The following NOD2 variants were observed in gnomAD, a reference collection of about 807,000 sequenced individuals.
NOD2 encodes the protein nucleotide binding oligomerization domain containing 2.
A neutral mutation model predicts 90.9 loss-of-function variants in NOD2; 86 were observed. The observed-to-expected ratio is 0.95, with a 90% CI of 0.79 to 1.13. NOD2 has a LOEUF of 1.13. Among genes scored for constraint, NOD2 ranks in the 50% most tolerant of loss-of-function variants. The probability of loss-of-function intolerance (pLI) is 0.00; values close to 1 mark genes in which losing one functional copy is unlikely to be tolerated. For missense variants in NOD2, 1,238 were observed against 1,283.8 expected, an observed-to-expected ratio of 0.96 and a Z score of 0.55; for synonymous variants, 581 against 554.6, an observed-to-expected ratio of 1.05 and a Z score of -0.67.
At position 50,697,047 on chromosome 16, in the gene NOD2, G is replaced by A. The variant is rs573684113; in HGVS notation, c.-8-2441G>A. 176 of 630,028 alleles carry A rather than the reference G, an allele frequency of 2.8e-4. 1 individual carries two copies. Among genetic ancestry groups the A allele is most frequent in the African/African-American group, 2.7e-3 (150 of 55,078 alleles). 39.0% of individuals were successfully genotyped at this position (630,028 alleles called of 1,614,324 possible). A position where few individuals can be genotyped will look rare whatever the true frequency, so the allele number is the denominator to read the frequency against. On this transcript the variant is annotated intron_variant, in intron 1 of 11. Coordinates refer to ENST00000647318, the MANE Select transcript of NOD2 (RefSeq NM_001370466.1). ...CCAGGATGCACAAGGCTTTGTGCCA[G>A]AATTGCTTGGAATTGCCTAGTTCTG...
intron 9 of NOD2, 75 bp from the exon 10 acceptor site, chr16:50,725,414 A>G (rs1965229097): frequency 1.8e-6 from 2 of 1,128,178 alleles, no homozygotes; most frequent in Non-Finnish European, 2.7e-6. Context: ...GATTTCCTAT[A>G]TGGGGGGCAT....
Position 50,710,614 on chromosome 16 carries a change from C to T in NOD2, c.622C>T (p.Arg208Cys), listed in dbSNP as rs104895422. ...GAGGACCACGGTGTCTGCTCAGTCT[C>T]GCTTCCTCAGTACCTATGATGGAGC... ...KLRTTVSAQS[R>C]FLSTYDGAET... Residue 208 changes from arginine to cysteine, a missense_variant, in exon 4 of 12, where the codon CGC (arginine) becomes TGC (cysteine). Physicochemically the swap from Arg to Cys is radical, Grantham distance 180 (BLOSUM62 -3). This residue lies in a region of NOD2 where 567 missense variants were observed against 577.3 expected (regional missense o/e 0.98). Transcript: ENST00000647318. The T allele has an allele frequency of 1.2e-4, 194 of 1,614,202 alleles. No homozygotes were observed. Among genetic ancestry groups the T allele is most frequent in the Middle Eastern group, 4.9e-4 (3 of 6,062 alleles).
At chr16:50,716,869 C>G in intron 5 of NOD2, 22 bp from the exon 6 acceptor site, 1 of 1,611,484 alleles carries the variant, frequency 6.2e-7, no homozygotes, top group Non-Finnish European at 8.5e-7. Context: ...TTCTGTGTCT[C>G]CTCTCTTCTG....
At chr16:50,704,883 A>G (rs546242777) in intron 2 of NOD2, among the ~76,000 whole-genome samples, 1 of 152,370 alleles carries the variant, frequency 6.6e-6, no homozygotes, top group East Asian at 1.9e-4. Context: ...CAGAATTTTA[A>G]AATTTCAATT....
At chr16:50,713,905 G>A (rs2150818320) in intron 4 of NOD2, among the ~76,000 whole-genome samples, 1 of 152,312 alleles carries the variant, frequency 6.6e-6, no homozygotes, top group East Asian at 1.9e-4. Flanking sequence ...CCAGGCATCA[G>A]CCTCCCAGGA....
chr16:50,694,982 G>C (rs753622591), intron 1 of NOD2, among the ~76,000 whole-genome samples: 13 of 152,156 alleles, frequency 8.5e-5, no homozygotes, highest in Non-Finnish European at 1.9e-4. Context: ...CCAAGACCAC[G>C]ATAGCTGGGC....
intron 2 of NOD2, among the ~76,000 whole-genome samples, chr16:50,703,694 A>G (rs1026680485): frequency 2.6e-5 from 4 of 151,922 alleles, no homozygotes; most frequent in Non-Finnish European, 5.9e-5. Context: ...AAAAAAAAAA[A>G]AAAAAAAAAG....
chr16:50,720,581 C>G (rs976037265), intron 7 of NOD2, among the ~76,000 whole-genome samples: 1 of 152,176 alleles, frequency 6.6e-6, no homozygotes, highest in East Asian at 1.9e-4. Context: ...CAACCTGCAG[C>G]CCCAGGGTGG....
rs754726436 is a variant in NOD2, at chr16:50,712,025, C to T, written c.2033C>T (p.Ala678Val). The change falls in exon 4 of 12, where the codon GCC becomes GTC. Residue 678 changes from alanine to valine, a missense_variant. This residue lies in a region of NOD2 where 667 missense variants were observed against 688.7 expected (regional missense o/e 0.97). Transcript: ENST00000647318. Reference protein sequence around the residue: ...TSEKALLRRQACARWCLARSL... With the variant: ...TSEKALLRRQVCARWCLARSL... ...GAGAAGGCCCTGCTCCGGCGCCAGG[C>T]CTGTGCCCGCTGGTGTCTGGCCCGC... 6.2e-7 allele frequency: 1 copy of T among 1,613,162 alleles called. No individual in the cohort carries two copies. Among genetic ancestry groups the T allele is most frequent in the Non-Finnish European group, 8.5e-7 (1 of 1,179,882 alleles).
intron 9 of NOD2, among the ~76,000 whole-genome samples, chr16:50,723,689 T>A (rs766551475): frequency 1.3e-5 from 2 of 152,220 alleles, no homozygotes; most frequent in African/African-American, 2.4e-5. Context: ...TTAGGCAAGT[T>A]AAATAACAAT....
At chr16:50,704,843 T>G (rs1384974502) in intron 2 of NOD2, among the ~76,000 whole-genome samples, 2 of 152,248 alleles carry the variant, frequency 1.3e-5, no homozygotes, top group Non-Finnish European at 2.9e-5. Context: ...AAACTCTTTC[T>G]GGAAGCTTTT....
chr16:50,731,779 T>C lies in NOD2; in HGVS notation c.3002T>C (p.Val1001Ala), dbSNP rs752941888. The change falls in exon 12 of 12, where the codon GTT becomes GCT. Residue 1001 changes from valine (V) to alanine (A), a missense_variant. Physicochemically the swap from Val to Ala is moderately conservative, Grantham distance 64. Around this residue, in one of 3 missense-constraint regions of NOD2, gnomAD observed 667 missense variants for 688.7 expected, o/e 0.97. Coordinates refer to ENST00000647318, the MANE Select transcript of NOD2 (RefSeq NM_001370466.1). ...GGGAACACTTTCTCTCTAGAGGAGG[T>C]TGACAAGCTCGGCTGCAGGGACACC... The part of the protein sequence containing the change: ...LRGNTFSLEE[V>A]DKLGCRDTRL... 3 of 1,613,870 alleles carry C rather than the reference T, an allele frequency of 1.9e-6. No individual in the cohort carries two copies. The highest frequency in any genetic ancestry group is 1.1e-5 in the South Asian group (1 of 91,078).
chr16:50,712,576 G>A, intron 4 of NOD2: 2 of 658,784 alleles, frequency 3.0e-6, no homozygotes, highest in South Asian at 3.7e-5. Flanking sequence ...TGGCCTATGT[G>A]CTGGGTCTGG....
In NOD2 at chr16:50,711,665, T is replaced by A. The variant is rs1331144569; in HGVS notation, c.1673T>A (p.Leu558Gln). Reference sequence around the variant, plus strand: ...CCTGATGACATTTCTCTTGGCTTCCTGGTGCGTGCCAAAGGTGTCGTGCCA... The same window carrying A: ...CCTGATGACATTTCTCTTGGCTTCCAGGTGCGTGCCAAAGGTGTCGTGCCA... ...VSPDDISLGFLVRAKGVVPGS... is the reference protein window; with the variant it reads ...VSPDDISLGFQVRAKGVVPGS... The change falls in exon 4 of 12, where the codon CTG becomes CAG. Residue 558 changes from leucine (L) to glutamine (Q), a missense_variant. This residue lies in a region of NOD2 where 667 missense variants were observed against 688.7 expected (regional missense o/e 0.97). Coordinates refer to ENST00000647318, the MANE Select transcript of NOD2 (RefSeq NM_001370466.1). The A allele has an allele frequency of 1.9e-6, 3 of 1,613,394 alleles. No individual in the cohort carries two copies. Among genetic ancestry groups the A allele is most frequent in the Non-Finnish European group, 2.5e-6 (3 of 1,179,974 alleles).
chr16:50,712,734 T>C (rs528521906), intron 4 of NOD2: 1 of 337,934 alleles, frequency 3.0e-6, no homozygotes, highest in East Asian at 7.1e-5. Flanking sequence ...GTTCACAAAT[T>C]GCATCATTCT....
In NOD2 at chr16:50,711,353, G is replaced by A. The variant is rs104895494; in HGVS notation, c.1361G>A (p.Gly454Asp). The change falls in exon 4 of 12, where the codon GGT becomes GAT. Residue 454 changes from glycine (G) to aspartate (D), a missense_variant. Gly to Asp is a moderately conservative substitution (Grantham distance 94). Coordinates refer to ENST00000647318, the MANE Select transcript of NOD2 (RefSeq NM_001370466.1). ...CTCCAAGAGACCTCAGCCCTGCACGGTTTGTGCCACCTGCCTGTCTTCTCA... is the reference window on the plus strand; with the variant it reads ...CTCCAAGAGACCTCAGCCCTGCACGATTTGTGCCACCTGCCTGTCTTCTCA... ...RLLQETSALHGLCHLPVFSWM... is the reference protein window; with the variant it reads ...RLLQETSALHDLCHLPVFSWM... The A allele has an allele frequency of 6.2e-7, 1 of 1,613,620 alleles. No individual in the cohort carries two copies. The highest frequency in any genetic ancestry group is 8.5e-7 in the Non-Finnish European group (1 of 1,180,034).
chr16:50,722,744 A>G (rs1382721619), intron 8 of NOD2, 39 bp downstream of exon 8: 1 of 1,592,840 alleles, frequency 6.3e-7, no homozygotes, highest in African/African-American at 1.3e-5. Flanking sequence ...TCTTGGGGAG[A>G]TCAGGTGAAG....
Position 50,723,402 on chromosome 16 carries a change from T to C in NOD2, c.2801+18T>C, listed in dbSNP as rs986964282. 33 of 1,610,090 alleles carry C rather than the reference T, an allele frequency of 2.0e-5. No individual in the cohort carries two copies. Among genetic ancestry groups the C allele is most frequent in the Non-Finnish European group, 2.8e-5 (33 of 1,176,644 alleles). On this transcript the variant is annotated intron_variant, in intron 9 of 11. Transcript: ENST00000647318. ...GAACTCTGGTGAGTTTGGGGGATTC[T>C]CTGCTCTGGGGAAGTGGATCACAAT...
chr16:50,719,696 A>G (rs1964955290), intron 6 of NOD2: 1 of 663,360 alleles, frequency 1.5e-6, no homozygotes. Context: ...GAATTGTCAC[A>G]CTGCTGTGCA....
Sources: gnomAD v4.1 joint callset for allele counts (sites outside exome capture counted in the v4.1 genomes callset) on GRCh38, gnomAD v4.1.1 for gene constraint, gnomAD v4.1.1 regional missense constraint, MANE v1.5 for transcripts, NCBI Gene and HGNC (gene_info 2026-07-23, HGNC 2026-07-21) for gene names.